Variants in TAB2 observed in about 807,000 individuals in gnomAD.
TAB2 encodes TGF-beta-activated kinase 1 and MAP3K7-binding protein 2.
TAB2 carries 3 observed loss-of-function variants against 65.0 expected under a neutral mutation model. The observed-to-expected ratio is 0.05, with a 90% CI of 0.02 to 0.12. The LOEUF (loss-of-function observed/expected upper bound fraction) is 0.12. Among genes scored for constraint, TAB2 ranks in the 10% least tolerant of loss-of-function variants. The pLI is 1.00. For missense variants in TAB2, 623 were observed against 840.3 expected (o/e 0.74, Z 3.20); for synonymous variants, 298 against 285.1 (o/e 1.05, Z -0.46).
intron 1 of TAB2, among the ~76,000 whole-genome samples, chr6:149,223,318 C>T (rs1777194909): frequency 6.6e-6 from 1 of 152,176 alleles, no homozygotes. Flanking sequence ...TCAGTCTTTT[C>T]CAGTACCTCT....
chr6:149,327,652 C>G (rs754045561), intron 1 of TAB2, among the ~76,000 whole-genome samples: 2 of 152,178 alleles, frequency 1.3e-5, no homozygotes, highest in Non-Finnish European at 2.9e-5. Flanking sequence ...GCTAGAAATA[C>G]AGATATTTTA....
intron 1 of TAB2, among the ~76,000 whole-genome samples, chr6:149,348,700 A>C (rs1230831680): frequency 6.6e-6 from 1 of 152,058 alleles, no homozygotes; most frequent in Non-Finnish European, 1.5e-5. Flanking sequence ...GCAGTGGCTC[A>C]TGCTTGTAAT....
intron 3 of TAB2, among the ~76,000 whole-genome samples, chr6:149,382,863 ATAACT>A (rs746704149): frequency 6.6e-6 from 1 of 151,814 alleles, no homozygotes; most frequent in African/African-American, 2.4e-5. Context: ...ACAAGTAGAA[ATAACT>A]TAAGGCTGGG....
chr6:149,310,736 GA>G (rs1217281104), intron 1 of TAB2, among the ~76,000 whole-genome samples: 1 of 152,080 alleles, frequency 6.6e-6, no homozygotes, highest in African/African-American at 2.4e-5. Context: ...TTCAATACAT[GA>G]AAAAATCTAA....
intron 1 of TAB2, among the ~76,000 whole-genome samples, chr6:149,270,626 T>C (rs551106354): frequency 2.6e-5 from 4 of 152,318 alleles, no homozygotes; most frequent in Admixed American, 2.0e-4. Flanking sequence ...ACCATAAATA[T>C]ATATAATTTT....
intron 1 of TAB2, among the ~76,000 whole-genome samples, chr6:149,229,393 CGTGTGTGTGTGT>C (rs10553494): frequency 7.4e-5 from 11 of 149,074 alleles, no homozygotes; most frequent in Admixed American, 1.3e-4. Flanking sequence ...CCTTTAAAGA[CGTGTGTGTGTGT>C]GTGTGTGTGT....
intron 1 of TAB2, among the ~76,000 whole-genome samples, chr6:149,261,381 G>T (rs1778149119): frequency 1.3e-5 from 2 of 152,164 alleles, no homozygotes; most frequent in Non-Finnish European, 2.9e-5. Context: ...GCATTTACTG[G>T]TATTGGAACA....
chr6:149,313,517 A>T (rs1208573525), upstream of TAB2, among the ~76,000 whole-genome samples: 1 of 152,060 alleles, frequency 6.6e-6, no homozygotes, highest in Non-Finnish European at 1.5e-5. Context: ...CTTTCTGCAG[A>T]TGACTTCCAA....
At position 149,373,266 on chromosome 6, in the gene TAB2, C is replaced by T. The variant is rs185538738; in HGVS notation, c.102+3167C>T. Among the ~76,000 whole-genome samples, 101 of 152,060 alleles carry T rather than the reference C, an allele frequency of 6.6e-4. 3 individuals are homozygous for T. Among genetic ancestry groups the T allele is most frequent in the Non-Finnish European group, 2.1e-4 (14 of 67,972 alleles). ...TTGGTTTTTTAACTTAATTTTTTACCGTTTTTAAATTCTCTTAACATGACG... is the reference window on the plus strand; with the variant it reads ...TTGGTTTTTTAACTTAATTTTTTACTGTTTTTAAATTCTCTTAACATGACG... On this transcript the variant is annotated intron_variant, in intron 2 of 6. Transcript: ENST00000637181.
At chr6:149,284,840 A>G (rs999805682) in intron 1 of TAB2, among the ~76,000 whole-genome samples, 6 of 152,158 alleles carry the variant, frequency 3.9e-5, no homozygotes, top group Non-Finnish European at 8.8e-5. Context: ...TTTTAAATAC[A>G]AGTAGCCCTG....
intron 1 of TAB2, chr6:149,247,460 C>T (rs1777746169): frequency 6.6e-6 from 1 of 152,184 alleles, no homozygotes; most frequent in Non-Finnish European, 1.5e-5. Flanking sequence ...AAACACACTC[C>T]TTTAATCTGA....
intron 6 of TAB2, 133 bp downstream of exon 6, chr6:149,399,317 A>G (rs921006028): frequency 4.3e-6 from 3 of 696,052 alleles, no homozygotes; most frequent in African/African-American, 1.8e-5. Context: ...CATTAAGAAG[A>G]TGTTTGCTTA....
At chr6:149,306,589 A>AC (rs1393742139) in intron 1 of TAB2, among the ~76,000 whole-genome samples, 1 of 151,558 alleles carries the variant, frequency 6.6e-6, no homozygotes, top group Non-Finnish European at 1.5e-5. Context: ...AACAAAAAAA[A>AC]ACACACACAC....
chr6:149,358,640 CTGTG>C (rs370116039), intron 1 of TAB2, among the ~76,000 whole-genome samples: 249 of 121,740 alleles, frequency 2.0e-3, no homozygotes, highest in African/African-American at 6.3e-3. Context: ...CTTCAGAACT[CTGTG>C]TGTGTGTGTG....
chr6:149,363,504 A>T lies in TAB2; in HGVS notation c.-89-6405A>T, dbSNP rs544507668. On this transcript the variant is annotated intron_variant, in intron 1 of 6. Transcript: ENST00000637181. ...ATGTTTTCTTTCTTAAACATTTTTT[A>T]AAGTTTCATTACAGGATAATGCCAC... 1.4e-3 allele frequency among the ~76,000 whole-genome samples: 217 copies of T among 152,324 alleles called. 1 individual carries two copies. Among genetic ancestry groups the T allele is most frequent in the African/African-American group, 4.7e-3 (195 of 41,568 alleles).
At chr6:149,232,015 C>A (rs1166121708) in intron 1 of TAB2, among the ~76,000 whole-genome samples, 3 of 152,126 alleles carry the variant, frequency 2.0e-5, no homozygotes, top group Non-Finnish European at 2.9e-5. Context: ...TAACAGGAAG[C>A]TCACTGACCT....
chr6:149,245,263 G>T (rs1777687169), intron 1 of TAB2: 1 of 152,200 alleles, frequency 6.6e-6, no homozygotes, highest in Non-Finnish European at 1.5e-5. Flanking sequence ...AACCTTAGCC[G>T]TAGCTTCTAG....
At chr6:149,218,605 A>G (rs1777072415), upstream of TAB2, 1 of 299,382 alleles carries the variant, frequency 3.3e-6, no homozygotes, top group African/African-American at 2.2e-5. Flanking sequence ...GTTGAAAGAC[A>G]CTCTTATATT....
chr6:149,257,200 C>T (rs532314269), intron 1 of TAB2, among the ~76,000 whole-genome samples: 23 of 152,272 alleles, frequency 1.5e-4, no homozygotes, highest in African/African-American at 4.1e-4. Context: ...CCAGTAAGCA[C>T]GTCCACGGAA....
Sources: allele counts gnomAD v4.1 joint callset (sites outside exome capture counted in the v4.1 genomes callset), GRCh38; gene constraint gnomAD v4.1.1; transcripts MANE v1.5; gene names NCBI Gene and HGNC (gene_info 2026-07-23, HGNC 2026-07-21).